Variants in COPZ2 observed in about 807,000 individuals in gnomAD.
COPZ2 encodes the protein coat protein complex I subunit zeta 2, also known as coatomer subunit zeta-2.
COPZ2 carries 30 observed loss-of-function variants against 33.2 expected under a neutral mutation model. The ratio of observed to expected loss-of-function variants is 0.90; its 90% CI spans 0.68 to 1.23. COPZ2 has a LOEUF of 1.23. Ranked by LOEUF, COPZ2 falls within the 50% of genes most tolerant of loss-of-function variation. The probability of loss-of-function intolerance (pLI) is 0.00; values close to 1 mark genes in which losing one functional copy is unlikely to be tolerated. For missense variants in COPZ2, 263 were observed against 262.4 expected (o/e 1.00, Z -0.02); for synonymous variants, 89 against 102.6 (o/e 0.87, Z 0.80).
intron 2 of COPZ2, among the ~76,000 whole-genome samples, chr17:48,035,349 T>C (rs144488989): frequency 6.6e-6 from 1 of 152,302 alleles, no homozygotes; most frequent in African/African-American, 2.4e-5. Flanking sequence ...GGCCGCTGCT[T>C]ATTTGAATTT....
intron 6 of COPZ2, among the ~76,000 whole-genome samples, chr17:48,030,463 G>A (rs935539548): frequency 1.3e-5 from 2 of 152,198 alleles, no homozygotes; most frequent in Admixed American, 1.3e-4. Flanking sequence ...ACTGCGGCAG[G>A]ACAAAGATGA....
At chr17:48,046,757 G>A in the COPZ2 span, 1 of 152,210 alleles carries the variant, frequency 6.6e-6, no homozygotes, top group Admixed American at 6.6e-5. Flanking sequence ...CCTCCAAGGT[G>A]TGGTTAATTT....
intron 6 of COPZ2, 177 bp downstream of exon 6, chr17:48,031,979 A>T (rs1355035941): frequency 1.6e-6 from 1 of 619,530 alleles, no homozygotes; most frequent in Non-Finnish European, 2.9e-6. Flanking sequence ...ATCAACTTCT[A>T]TCTTCATGAG....
chr17:48,029,427 A>G lies in COPZ2; in HGVS notation c.495-251T>C, dbSNP rs144448824. 215 of 587,664 alleles carry G rather than the reference A, an allele frequency of 3.7e-4. 1 individual carries two copies. Among genetic ancestry groups the G allele is most frequent in the African/African-American group, 3.4e-3 (180 of 53,514 alleles). The allele number at this position is 587,664 out of a possible 1,614,324, so 36.4% of individuals were successfully genotyped here. On this transcript the variant is annotated intron_variant, in intron 6 of 8. Coordinates refer to ENST00000621465, the MANE Select transcript of COPZ2 (RefSeq NM_016429.4). ...CCCTGGGCAAAATCTTTGAAACTGG[A>G]TAAGAACAGTCTGGTCTAGGATGAT...
At chr17:48,043,842 T>G in the COPZ2 span, among the ~76,000 whole-genome samples, 1 of 152,214 alleles carries the variant, frequency 6.6e-6, no homozygotes, top group Non-Finnish European at 1.5e-5. Flanking sequence ...CCACTCCTCC[T>G]ACCTCTTAAT....
At chr17:48,030,404 C>T (rs1027862893) in intron 6 of COPZ2, among the ~76,000 whole-genome samples, 8 of 152,074 alleles carry the variant, frequency 5.3e-5, no homozygotes, top group Non-Finnish European at 8.8e-5. Flanking sequence ...GGCGCTCCTT[C>T]GTGAGGCCTT....
In COPZ2 at chr17:48,033,900, G is replaced by T; in HGVS notation, c.231C>A (p.Phe77Leu). The change falls in exon 3 of 9, where the codon TTC becomes TTA. Residue 77 changes from phenylalanine (F) to leucine (L), a missense_variant. Transcript: ENST00000621465. ...TFPSMKEQMVFEKNVFNKTSR... is the reference protein window; with the variant it reads ...TFPSMKEQMVLEKNVFNKTSR... Reference sequence around the variant, plus strand: ...TGGTCTTGTTGAAGACATTTTTCTCGAAAACCATCTGCTCCTTCATGGAGG... The same window carrying T: ...TGGTCTTGTTGAAGACATTTTTCTCTAAAACCATCTGCTCCTTCATGGAGG... 1 of 1,611,982 alleles carries T rather than the reference G, an allele frequency of 6.2e-7. No individual in the cohort carries two copies. Among genetic ancestry groups the T allele is most frequent in the Non-Finnish European group, 8.5e-7 (1 of 1,179,018 alleles).
At chr17:48,039,734 T>G (rs1277417184), upstream of COPZ2, among the ~76,000 whole-genome samples, 2 of 152,100 alleles carry the variant, frequency 1.3e-5, no homozygotes, top group Non-Finnish European at 2.9e-5. Context: ...GAATGTGACT[T>G]TTTGTTTGTT....
chr17:48,035,459 G>A (rs1330298580), intron 2 of COPZ2, among the ~76,000 whole-genome samples: 6 of 152,176 alleles, frequency 3.9e-5, no homozygotes, highest in Non-Finnish European at 7.3e-5. Context: ...GCAGTAGCTC[G>A]ATCATGGCTC....
At chr17:48,032,308 C>T in intron 5 of COPZ2, 75 bp from the exon 6 acceptor site, 3 of 1,289,098 alleles carry the variant, frequency 2.3e-6, no homozygotes, top group Non-Finnish European at 3.3e-6. Flanking sequence ...GAGGCTGACC[C>T]CACTCTCCAA....
chr17:48,036,906 T>A lies in COPZ2; in HGVS notation c.131A>T (p.Tyr44Phe). The A allele has an allele frequency of 6.2e-7, 1 of 1,613,802 alleles. No homozygotes were observed. The highest frequency in any genetic ancestry group is 8.5e-7 in the Non-Finnish European group (1 of 1,179,824). ...SGLRLQEPSL[Y>F]TIKAVFILDN... ...TAGGATGAAAACAGCCTTGATGGTG[T>A]AGAGGGAAGGTTCCTGCAACTGACA... Residue 44 changes from tyrosine to phenylalanine, a missense_variant, in exon 2 of 9, where the codon TAC becomes TTC. Transcript: ENST00000621465.
intron 3 of COPZ2, 127 bp from the exon 4 acceptor site, chr17:48,033,429 C>G (rs566830132): frequency 8.9e-6 from 6 of 672,606 alleles, no homozygotes; most frequent in Admixed American, 2.1e-5. Flanking sequence ...TTGGAAAGAC[C>G]AGCACTAGGG....
chr17:48,033,713 G>A, intron 3 of COPZ2, 150 bp downstream of exon 3: 1 of 641,488 alleles, frequency 1.6e-6, no homozygotes. Context: ...GGAAGGGAGT[G>A]GAGAACAGCA....
intron 2 of COPZ2, among the ~76,000 whole-genome samples, chr17:48,034,230 T>C (rs2036944747): frequency 6.6e-6 from 1 of 152,224 alleles, no homozygotes; most frequent in Non-Finnish European, 1.5e-5. Flanking sequence ...TGCCTCAGCC[T>C]CCTGAGTAGC....
chr17:48,033,157 A>T, intron 4 of COPZ2, 54 bp downstream of exon 4: 1 of 1,247,858 alleles, frequency 8.0e-7, no homozygotes, highest in Non-Finnish European at 1.2e-6. Context: ...ATTCCAAATA[A>T]CAACATTTCC....
intron 6 of COPZ2, among the ~76,000 whole-genome samples, chr17:48,030,168 T>C (rs1462878189): frequency 6.7e-6 from 1 of 150,202 alleles, no homozygotes; most frequent in Non-Finnish European, 1.5e-5. Flanking sequence ...ACGCCTATAA[T>C]CCCAGCTACT....
At chr17:48,047,639 A>G in the COPZ2 span, 4 of 97,624 alleles carry the variant, frequency 4.1e-5, no homozygotes, top group Non-Finnish European at 6.1e-5. Flanking sequence ...CACACCGCCA[A>G]CGTTCCGCCA....
the COPZ2 span, among the ~76,000 whole-genome samples, chr17:48,043,843 A>G: frequency 1.3e-5 from 2 of 152,102 alleles, no homozygotes; most frequent in African/African-American, 4.8e-5. Flanking sequence ...CACTCCTCCT[A>G]CCTCTTAATG....
chr17:48,044,207 C>A, the COPZ2 span, among the ~76,000 whole-genome samples: 1 of 152,010 alleles, frequency 6.6e-6, no homozygotes, highest in Non-Finnish European at 1.5e-5. Flanking sequence ...ATTAGCCAAG[C>A]GTGGTGGTGT....
Sources: allele counts gnomAD v4.1 joint callset (sites outside exome capture counted in the v4.1 genomes callset), GRCh38; gene constraint gnomAD v4.1.1; transcripts MANE v1.5; gene names NCBI Gene and HGNC (gene_info 2026-07-23, HGNC 2026-07-21).